Variants in PPP2R3C observed in about 807,000 individuals in gnomAD.
The protein encoded by PPP2R3C is protein phosphatase 2 regulatory subunit B''gamma, also known as serine/threonine-protein phosphatase 2A regulatory subunit B'' subunit gamma.
In PPP2R3C, 47 loss-of-function variants were observed where a neutral mutation model predicts 63.7. That is an observed-to-expected ratio of 0.74 (90% CI 0.58 to 0.94). The LOEUF is 0.94. PPP2R3C is among the 40% of genes least tolerant of loss of function. The pLI, the probability that PPP2R3C is intolerant of heterozygous loss-of-function variation, is 0.00. For synonymous variants in PPP2R3C, 180 were observed against 177.4 expected, an observed-to-expected ratio of 1.01 and a Z score of -0.12; for missense variants, 421 against 518.4, an observed-to-expected ratio of 0.81 and a Z score of 1.82.
intron 1 of PPP2R3C, among the ~76,000 whole-genome samples, chr14:35,120,947 G>GAA: frequency 6.8e-6 from 1 of 148,138 alleles, no homozygotes; most frequent in South Asian, 2.1e-4. Flanking sequence ...TCCTGTATCG[G>GAA]AAAAAAAAAA....
chr14:35,089,677 T>C lies in PPP2R3C; in HGVS notation c.1113+1393A>G, dbSNP rs890816203. Reference sequence around the variant, plus strand: ...GGTATGATTTTTTAATTTTTTTTTTTCTTTTTGAGACTCAGTCTCGCTCTG... The same window carrying C: ...GGTATGATTTTTTAATTTTTTTTTTCCTTTTTGAGACTCAGTCTCGCTCTG... On this transcript the variant is annotated intron_variant, in intron 11 of 12. Coordinates refer to ENST00000261475, the MANE Select transcript of PPP2R3C (RefSeq NM_017917.4). 2.1e-4 allele frequency among the ~76,000 whole-genome samples: 31 copies of C among 149,350 alleles called. 1 individual carries two copies. Among genetic ancestry groups the C allele is most frequent in the Non-Finnish European group, 6.0e-5 (4 of 67,120 alleles).
chr14:35,121,046 C>A (rs1271092107), intron 1 of PPP2R3C, among the ~76,000 whole-genome samples: 1 of 152,058 alleles, frequency 6.6e-6, no homozygotes, highest in Non-Finnish European at 1.5e-5. Flanking sequence ...GTAGACATGA[C>A]CAAAACACCT....
chr14:35,114,892 G>A (rs1318273091), intron 2 of PPP2R3C, among the ~76,000 whole-genome samples: 1 of 152,082 alleles, frequency 6.6e-6, no homozygotes, highest in Non-Finnish European at 1.5e-5. Context: ...ACTTAGGAGG[G>A]CTGAGGCAGG....
intron 1 of PPP2R3C, chr14:35,116,945 A>C (rs1372106979): frequency 4.7e-6 from 2 of 428,886 alleles, no homozygotes; most frequent in African/African-American, 2.0e-5. Context: ...CTACATCTTC[A>C]ACCATTTCTC....
chr14:35,099,480 T>A, intron 6 of PPP2R3C, 96 bp from the exon 7 acceptor site: 1 of 1,340,752 alleles, frequency 7.5e-7, no homozygotes, highest in Admixed American at 3.2e-5. Context: ...TAATACTATA[T>A]TGATAAAGAA....
chr14:35,105,945 C>T (rs1003032577), intron 6 of PPP2R3C, among the ~76,000 whole-genome samples: 3 of 151,856 alleles, frequency 2.0e-5, no homozygotes, highest in Non-Finnish European at 4.4e-5. Context: ...TGGGTTCATG[C>T]CATTCTCCTG....
chr14:35,093,037 C>T (rs1223327094), intron 10 of PPP2R3C, among the ~76,000 whole-genome samples: 13 of 150,838 alleles, frequency 8.6e-5, no homozygotes, highest in East Asian at 5.8e-4. Flanking sequence ...GGTGAAACTC[C>T]GTCTCTACTA....
intron 1 of PPP2R3C, among the ~76,000 whole-genome samples, chr14:35,119,831 G>A (rs1210867925): frequency 6.6e-6 from 1 of 150,394 alleles, no homozygotes. Flanking sequence ...CTCTTAAATA[G>A]GAGCATGGAC....
intron 9 of PPP2R3C, among the ~76,000 whole-genome samples, chr14:35,095,419 GT>G (rs2045959847): frequency 6.6e-6 from 1 of 152,110 alleles, no homozygotes; most frequent in African/African-American, 2.4e-5. Context: ...TCTCTGGGCT[GT>G]TTCACTTACA....
At chr14:35,091,007 AC>A (rs1304794746) in intron 11 of PPP2R3C, 62 bp downstream of exon 11, 17 of 1,466,844 alleles carry the variant, frequency 1.2e-5, no homozygotes, top group Non-Finnish European at 1.6e-5. Context: ...GAGCCACTGC[AC>A]CGGCAGCAAC....
At chr14:35,085,870 A>T in intron 12 of PPP2R3C, 92 bp from the exon 13 acceptor site, 2 of 1,012,544 alleles carry the variant, frequency 2.0e-6, no homozygotes, top group Non-Finnish European at 2.8e-6. Flanking sequence ...GCATCCACTG[A>T]AGTACAGAGG....
At chr14:35,109,475 G>A (rs1012077502) in intron 4 of PPP2R3C, among the ~76,000 whole-genome samples, 1 of 151,918 alleles carries the variant, frequency 6.6e-6, no homozygotes, top group East Asian at 1.9e-4. Flanking sequence ...TTTAATATTT[G>A]AGGATTTGTT....
rs1490631643 is a variant in PPP2R3C at position 35,085,704 on chromosome 14, T to C, written c.1248A>G (p.Gln416=). The C allele has an allele frequency of 4.3e-6, 7 of 1,611,962 alleles. No individual in the cohort carries two copies. The highest frequency in any genetic ancestry group is 2.2e-5 in the South Asian group (2 of 91,024). ...TTAGAATGGTGGTTACTGTGTCTCC[T>C]TGATTACTGTTGATTAAATCCTGAA... ...ISLQDLINSN[Q]GDTVTTILID... The change falls in exon 13 of 13, where the codon CAA becomes CAG. Residue 416 remains glutamine (Q), a synonymous_variant. Transcript: ENST00000261475.
chr14:35,120,531 G>A (rs1483094841), intron 1 of PPP2R3C, among the ~76,000 whole-genome samples: 1 of 151,482 alleles, frequency 6.6e-6, no homozygotes, highest in East Asian at 2.0e-4. Flanking sequence ...AGGACTGAGC[G>A]ACCGCGCCCG....
At chr14:35,117,298 C>G (rs1015099943) in intron 1 of PPP2R3C, 2 of 392,274 alleles carry the variant, frequency 5.1e-6, no homozygotes, top group Non-Finnish European at 1.0e-5. Flanking sequence ...CAATTCCTCC[C>G]CACTTATTTG....
rs2046518665 is a variant in PPP2R3C at position 35,110,542 on chromosome 14, CT to C, written c.273del (p.Asp92IlefsTer20). The C allele has an allele frequency of 3.7e-6, 6 of 1,607,918 alleles. No homozygotes were observed. Among genetic ancestry groups the C allele is most frequent in the Non-Finnish European group, 5.1e-6 (6 of 1,175,898 alleles). On this transcript the variant is annotated frameshift_variant, in exon 3 of 13. Transcript: ENST00000261475. LOFTEE classifies it high-confidence loss of function. Reference sequence around the variant, plus strand: ...GTTCTTACCTGTAATTCTTCATTATCTAACAGTTCTCTGCTTTTTCTTTGTA... The same window carrying C: ...GTTCTTACCTGTAATTCTTCATTATCAACAGTTCTCTGCTTTTTCTTTGTA... ...VFLQRKSREL[L>X]DNEELQNLWF...
chr14:35,105,867 G>C (rs1041197175), intron 6 of PPP2R3C, among the ~76,000 whole-genome samples: 9 of 151,636 alleles, frequency 5.9e-5, no homozygotes, highest in African/African-American at 2.2e-4. Flanking sequence ...TTTTGAGATG[G>C]AGTCTCGCTC....
intron 10 of PPP2R3C, 39 bp downstream of exon 10, chr14:35,095,009 C>T (rs762449573): frequency 1.9e-6 from 3 of 1,567,624 alleles, no homozygotes; most frequent in African/African-American, 2.7e-5. Context: ...CTCTGGGAGC[C>T]TAAACTTTTA....
In PPP2R3C at chr14:35,121,930, G is replaced by A; in HGVS notation, c.30C>T (p.Arg10=). The A allele has an allele frequency of 6.2e-7, 1 of 1,614,178 alleles. No homozygotes were observed. The highest frequency in any genetic ancestry group is 8.5e-7 in the Non-Finnish European group (1 of 1,180,032). Residue 10 remains arginine (R), a synonymous_variant, in exon 1 of 13, where the codon CGC becomes CGT. Coordinates refer to ENST00000261475, the MANE Select transcript of PPP2R3C (RefSeq NM_017917.4). ...TTGGACAGGTGTTGGGCGTCGCTAG[G>A]CGCCGACGAAGAACTTCTTTCCAGT... MDWKEVLRR[R]LATPNTCPNK... is the part of the protein sequence containing the mutation.
Sources: gnomAD v4.1 joint callset for allele counts (sites outside exome capture counted in the v4.1 genomes callset) on GRCh38, gnomAD v4.1.1 for gene constraint, MANE v1.5 for transcripts, NCBI Gene and HGNC (gene_info 2026-07-23, HGNC 2026-07-21) for gene names.